LYPD1: variants seen among roughly 807,000 people sequenced by gnomAD.
LYPD1 encodes the protein LY6/PLAUR domain containing 1.
Under a neutral mutation model 14.2 loss-of-function variants are expected in LYPD1, and 14 were observed. That is an observed-to-expected ratio of 0.99 (90% CI 0.65 to 1.54). The LOEUF (loss-of-function observed/expected upper bound fraction) is 1.54, where lower values mean the gene tolerates loss of function less well. Among genes scored for constraint, LYPD1 ranks in the 40% most tolerant of loss-of-function variants. LYPD1 has a pLI of 0.00. For missense variants in LYPD1, 165 were observed against 175.7 expected (o/e 0.94, Z 0.34); for synonymous variants, 85 against 70.6 (o/e 1.20, Z -1.02).
rs752437139 is a variant in LYPD1, at chr2:132,645,058, T to TTTTTC, written c.*982_*986dup. 4 of 1,573,982 alleles carry TTTTTC rather than the reference T, an allele frequency of 2.5e-6. No homozygotes were observed. Among genetic ancestry groups the TTTTTC allele is most frequent in the South Asian group, 2.4e-5 (2 of 83,910 alleles). ...TCATTTACTGTGTTCTCATGCTGTG[T>TTTTTC]TTTTCTTTTCTCTGTCTCTCCCTCC... On this transcript the variant is annotated 3_prime_UTR_variant, in exon 3 of 3. Transcript: ENST00000397463.
intron 2 of LYPD1, among the ~76,000 whole-genome samples, chr2:132,657,925 T>C (rs995762151): frequency 1.3e-5 from 2 of 152,194 alleles, no homozygotes; most frequent in Non-Finnish European, 2.9e-5. Flanking sequence ...TCTCAAAAGC[T>C]GATCTGGCAG....
chr2:132,652,125 T>C (rs1285344473), intron 2 of LYPD1, among the ~76,000 whole-genome samples: 1 of 152,206 alleles, frequency 6.6e-6, no homozygotes, highest in Non-Finnish European at 1.5e-5. Context: ...GTTTGGAGAC[T>C]TCCCCAAAGA....
At chr2:132,670,829 C>T (rs959625522), upstream of LYPD1, among the ~76,000 whole-genome samples, 1 of 152,130 alleles carries the variant, frequency 6.6e-6, no homozygotes, top group Non-Finnish European at 1.5e-5. This position sits in a 1 kb window ranked among gnomAD's most constrained non-coding sequence, Gnocchi z 4.5. Context: ...GGGGACACTG[C>T]CTTAACTGTC....
At position 132,644,142 on chromosome 2, in the gene LYPD1, T is replaced by A. The variant is rs190348481; in HGVS notation, c.*1903A>T. Among the ~76,000 whole-genome samples, 2 of 152,362 alleles carry A rather than the reference T, an allele frequency of 1.3e-5. No homozygotes were observed. Among genetic ancestry groups the A allele is most frequent in the Admixed American group, 1.3e-4 (2 of 15,306 alleles). Reference sequence around the variant, plus strand: ...ACTAAACTCTCATGATACCTGTGATTTCAGTTGTTTGTGGTCTATGTAGCA... The same window carrying A: ...ACTAAACTCTCATGATACCTGTGATATCAGTTGTTTGTGGTCTATGTAGCA... On this transcript the variant is annotated 3_prime_UTR_variant, in exon 3 of 3. Coordinates refer to ENST00000397463, the MANE Select transcript of LYPD1 (RefSeq NM_144586.7).
upstream of LYPD1, among the ~76,000 whole-genome samples, chr2:132,670,891 G>A (rs758851908): frequency 6.6e-6 from 1 of 152,154 alleles, no homozygotes; most frequent in African/African-American, 2.4e-5. The surrounding 1 kb of genome is among the most constrained non-coding windows in gnomAD (Gnocchi z 4.5). Context: ...CCGCTGGAGG[G>A]TGCATTGACA....
intron 2 of LYPD1, 76 bp downstream of exon 2, chr2:132,668,324 T>A: frequency 6.7e-7 from 1 of 1,492,134 alleles, no homozygotes; most frequent in East Asian, 2.4e-5. Flanking sequence ...TCCTTTTTCC[T>A]GCTATTTAAT....
At chr2:132,656,727 G>A (rs1451213854) in intron 2 of LYPD1, among the ~76,000 whole-genome samples, 1 of 152,116 alleles carries the variant, frequency 6.6e-6, no homozygotes, top group Non-Finnish European at 1.5e-5. Context: ...AAGTACTTTT[G>A]CTTTGCCATG....
chr2:132,657,032 C>G (rs752357652), intron 2 of LYPD1, among the ~76,000 whole-genome samples: 2 of 152,186 alleles, frequency 1.3e-5, no homozygotes, highest in African/African-American at 4.8e-5. Context: ...AACCCAAGAA[C>G]ACATTTGTTT....
chr2:132,665,974 A>G (rs1683247434), intron 2 of LYPD1, among the ~76,000 whole-genome samples: 1 of 152,282 alleles, frequency 6.6e-6, no homozygotes, highest in African/African-American at 2.4e-5. Flanking sequence ...TCAATTCTTA[A>G]TAGCATCATT....
intron 2 of LYPD1, among the ~76,000 whole-genome samples, chr2:132,655,891 A>AT (rs1682567127): frequency 6.6e-6 from 1 of 151,952 alleles, no homozygotes; most frequent in South Asian, 2.1e-4. Context: ...ATCATTTAAC[A>AT]TTTTTTTCTG....
chr2:132,661,977 T>C (rs866512601), intron 2 of LYPD1, among the ~76,000 whole-genome samples: 36 of 150,924 alleles, frequency 2.4e-4, no homozygotes, highest in Admixed American at 8.6e-4. Context: ...TGAAAGGTAC[T>C]TGAATTCCTG....
At chr2:132,650,123 G>C (rs1283389732) in intron 2 of LYPD1, among the ~76,000 whole-genome samples, 2 of 152,104 alleles carry the variant, frequency 1.3e-5, no homozygotes, top group Non-Finnish European at 2.9e-5. Context: ...TAATAAATCA[G>C]TAAGGAATAA....
intron 2 of LYPD1, chr2:132,646,583 C>G (rs1401726337): frequency 3.6e-6 from 1 of 276,238 alleles, no homozygotes; most frequent in Non-Finnish European, 6.7e-6. Flanking sequence ...TCAGAGTTCA[C>G]ACTGTGTACA....
At chr2:132,659,674 T>A (rs1243724836) in intron 2 of LYPD1, among the ~76,000 whole-genome samples, 1 of 152,226 alleles carries the variant, frequency 6.6e-6, no homozygotes, top group Non-Finnish European at 1.5e-5. Context: ...GAATGTTAAC[T>A]CATCAGCCTC....
chr2:132,646,113 C>T lies in LYPD1; in HGVS notation c.358G>A (p.Ala120Thr), dbSNP rs908505086. The T allele has an allele frequency of 2.4e-5, 39 of 1,608,274 alleles. No individual in the cohort carries two copies. The highest frequency in any genetic ancestry group is 3.3e-5 in the Non-Finnish European group (39 of 1,176,872). ...GTGGTGCGGAGCCCTGGCCTGAGGG[C>T]CGAGGCAGAACTTCCCCTTTTCTTG... ...RPKKRGSSASALRPGLRTTIL... is the reference protein window; with the variant it reads ...RPKKRGSSASTLRPGLRTTIL... Residue 120 changes from alanine (A) to threonine (T), a missense_variant, in exon 3 of 3, where the codon GCC becomes ACC. Ala to Thr is a moderately conservative substitution (Grantham distance 58). Transcript: ENST00000397463.
rs765538199 is a variant in LYPD1, at chr2:132,669,959, G to A, written c.-27C>T. 6 of 1,610,332 alleles carry A rather than the reference G, an allele frequency of 3.7e-6. No homozygotes were observed. Among genetic ancestry groups the A allele is most frequent in the Admixed American group, 1.7e-5 (1 of 59,928 alleles). The stretch of plus-strand genomic sequence containing the variant: ...CTCCCGGAGTCCCGGGGCCGGGAGA[G>A]GGCAAGCGCATCAGAGGAGGCGACA... On this transcript the variant is annotated 5_prime_UTR_variant, in exon 1 of 3. Coordinates refer to ENST00000397463, the MANE Select transcript of LYPD1 (RefSeq NM_144586.7). The surrounding 1 kb of genome is among the most constrained non-coding windows in gnomAD (Gnocchi z 4.3).
chr2:132,665,952 G>A (rs1683246243), intron 2 of LYPD1, among the ~76,000 whole-genome samples: 2 of 152,168 alleles, frequency 1.3e-5, no homozygotes, highest in African/African-American at 2.4e-5. Flanking sequence ...AAACTTGAAA[G>A]AAATTCTGAC....
Position 132,645,403 on chromosome 2 carries a change from T to C in LYPD1, c.*642A>G. 6.2e-7 allele frequency: 1 copy of C among 1,613,650 alleles called. No individual in the cohort carries two copies. Among genetic ancestry groups the C allele is most frequent in the Non-Finnish European group, 8.5e-7 (1 of 1,179,986 alleles). On this transcript the variant is annotated 3_prime_UTR_variant, in exon 3 of 3. Transcript: ENST00000397463. ...GCACTCCACCACCGACAGCGCCCGC[T>C]TTGTGCAGCGCCCGTTGCTCTTCGC...
At chr2:132,650,243 A>G (rs1168545522) in intron 2 of LYPD1, among the ~76,000 whole-genome samples, 1 of 152,228 alleles carries the variant, frequency 6.6e-6, no homozygotes, top group Non-Finnish European at 1.5e-5. Flanking sequence ...AGAAGAATGC[A>G]AATTAAAACT....
Sources: gnomAD v4.1 joint callset for allele counts (sites outside exome capture counted in the v4.1 genomes callset) on GRCh38, gnomAD v4.1.1 for gene constraint, Gnocchi (gnomAD v3.1) non-coding constraint, MANE v1.5 for transcripts, NCBI Gene and HGNC (gene_info 2026-07-23, HGNC 2026-07-21) for gene names.